Variants in OCA2 observed in about 807,000 individuals in gnomAD.
The protein encoded by OCA2 is OCA2 melanosomal transmembrane protein.
Under a neutral mutation model 100.2 loss-of-function variants are expected in OCA2, and 77 were observed. That is an observed-to-expected ratio of 0.77 (90% CI 0.64 to 0.93). OCA2 has a LOEUF of 0.93. OCA2 is among the 40% of genes least tolerant of loss of function. The pLI, the probability that OCA2 is intolerant of heterozygous loss-of-function variation, is 0.00. For missense variants in OCA2, 1,062 were observed against 1,089.1 expected (o/e 0.98, Z 0.35); for synonymous variants, 432 against 439.2 (o/e 0.98, Z 0.21).
intron 1 of OCA2, among the ~76,000 whole-genome samples, chr15:28,097,816 C>G (rs942710713): frequency 6.6e-6 from 1 of 152,210 alleles, no homozygotes; most frequent in Non-Finnish European, 1.5e-5. Context: ...TTCCCTGCCC[C>G]GGCCTGGCAA....
intron 19 of OCA2, among the ~76,000 whole-genome samples, chr15:27,919,395 C>T (rs1037207): frequency 0.054 from 8,257 of 151,908 alleles, 771 homozygotes; most frequent in African/African-American, 0.19. Flanking sequence ...GGTGGGTGGA[C>T]AAATAAAGTG....
intron 2 of OCA2, among the ~76,000 whole-genome samples, chr15:28,071,914 G>C (rs2044271467): frequency 6.6e-6 from 1 of 152,080 alleles, no homozygotes; most frequent in Non-Finnish European, 1.5e-5. Flanking sequence ...TTGACAAGTG[G>C]GACCTAATTA....
At chr15:27,877,720 C>G (rs530233368) in intron 19 of OCA2, among the ~76,000 whole-genome samples, 2 of 152,018 alleles carry the variant, frequency 1.3e-5, no homozygotes, top group Non-Finnish European at 2.9e-5. Context: ...CATTGCTCAG[C>G]CTTTCAGCTA....
chr15:28,006,038 CT>C (rs1162649894), intron 9 of OCA2, among the ~76,000 whole-genome samples: 2 of 152,172 alleles, frequency 1.3e-5, no homozygotes, highest in Non-Finnish European at 2.9e-5. Flanking sequence ...AGTGGTCTGA[CT>C]TCTCTGTGCT....
chr15:27,906,792 T>G (rs1445744209), intron 19 of OCA2, among the ~76,000 whole-genome samples: 1 of 151,600 alleles, frequency 6.6e-6, no homozygotes, highest in Non-Finnish European at 1.5e-5. Flanking sequence ...CAAAGAACAG[T>G]TTATTTGGCT....
intron 2 of OCA2, among the ~76,000 whole-genome samples, chr15:28,037,807 A>G (rs1017715424): frequency 6.6e-6 from 1 of 152,162 alleles, no homozygotes; most frequent in Non-Finnish European, 1.5e-5. Flanking sequence ...ACCTGATGCC[A>G]TCCCCCAGCC....
In OCA2 at chr15:28,069,772, C is replaced by G. The variant is rs879372614; in HGVS notation, c.227+11876G>C. On this transcript the variant is annotated intron_variant, in intron 2 of 23. Transcript: ENST00000354638. ...CACTACAACCTACACCTCCCAGCCG[C>G]CTGCCTTGGCCTCCCAAAGTGCCGA... 5.6e-3 allele frequency among the ~76,000 whole-genome samples: 789 copies of G among 140,328 alleles called. 3 individuals are homozygous for G. The highest frequency in any genetic ancestry group is 0.019 in the Middle Eastern group (5 of 266). 92.1% of individuals were successfully genotyped at this position (140,328 alleles called of 152,430 possible).
At chr15:28,064,133 C>A (rs776680849) in intron 2 of OCA2, among the ~76,000 whole-genome samples, 26 of 152,196 alleles carry the variant, frequency 1.7e-4, no homozygotes, top group Non-Finnish European at 3.1e-4. Flanking sequence ...GCCTTCTGGC[C>A]TCCATGGTTT....
At position 27,851,333 on chromosome 15, in the gene OCA2, C is replaced by A. The variant is rs377618447; in HGVS notation, c.2338+49G>T. On this transcript the variant is annotated intron_variant, in intron 22 of 23. Transcript: ENST00000354638. ...CACTAACTGTTGCTTTGGGCTGAAC[C>A]ACAGTGTGGGCGTGCACCCCCACCC... 5.5e-4 allele frequency: 805 copies of A among 1,469,450 alleles called. 4 individuals are homozygous for A. The African/African-American group carries it at 0.01, about 19-fold the overall frequency. 91.0% of individuals were successfully genotyped at this position (1,469,450 alleles called of 1,614,324 possible).
intron 21 of OCA2, among the ~76,000 whole-genome samples, chr15:27,860,460 T>A (rs557026537): frequency 2.6e-5 from 4 of 152,164 alleles, no homozygotes; most frequent in Admixed American, 1.3e-4. Context: ...CCCTCACTCC[T>A]CCCTTCTGAA....
In OCA2 at chr15:28,003,890, C is replaced by T. The variant is rs538790096; in HGVS notation, c.1044+10886G>A. Among the ~76,000 whole-genome samples, 33 of 152,352 alleles carry T rather than the reference C, an allele frequency of 2.2e-4. No homozygotes were observed. In the South Asian group the frequency reaches 5.8e-3, roughly 27 times the overall value. On this transcript the variant is annotated intron_variant, in intron 9 of 23. Coordinates refer to ENST00000354638, the MANE Select transcript of OCA2 (RefSeq NM_000275.3). ...CTGCTCCCTCCACCGCGTCATGCTC[C>T]GGCCTACGCCCCGAGCGGGGAAAGG...
intron 17 of OCA2, among the ~76,000 whole-genome samples, chr15:27,954,159 A>ACACACCCC (rs147024497): frequency 7.3e-5 from 4 of 54,996 alleles, no homozygotes; most frequent in African/African-American, 1.4e-4. Flanking sequence ...ACACACACAC[A>ACACACCCC]CCTAGGGTCA....
intron 21 of OCA2, among the ~76,000 whole-genome samples, chr15:27,870,769 GGAAA>G (rs200734139): frequency 2.8e-4 from 40 of 142,492 alleles, no homozygotes; most frequent in South Asian, 6.7e-4. Context: ...AAGACAGAAA[GGAAA>G]GAAAGAAAGA....
At chr15:27,761,023 A>C (rs999757151) in intron 23 of OCA2, among the ~76,000 whole-genome samples, 7 of 152,114 alleles carry the variant, frequency 4.6e-5, no homozygotes, top group African/African-American at 1.7e-4. Context: ...GGAGAAACTG[A>C]ATGCTTCTCC....
intron 23 of OCA2, among the ~76,000 whole-genome samples, chr15:27,834,029 TC>T (rs2035057218): frequency 6.6e-6 from 1 of 152,110 alleles, no homozygotes; most frequent in Non-Finnish European, 1.5e-5. Flanking sequence ...TGACAGGAAT[TC>T]CTTTTGTTGT....
At position 27,788,212 on chromosome 15, in the gene OCA2, T is replaced by G. The variant is rs558696753; in HGVS notation, c.2433-32740A>C. 2.0e-5 allele frequency among the ~76,000 whole-genome samples: 3 copies of G among 152,172 alleles called. No homozygotes were observed. In the South Asian group the frequency reaches 6.2e-4, roughly 32 times the overall value. ...CAATGTGTATTCTGCCTTTGTTGGG[T>G]TGACTATTCTGTAGATATTAGGTCA... On this transcript the variant is annotated intron_variant, in intron 23 of 23. Coordinates refer to ENST00000354638, the MANE Select transcript of OCA2 (RefSeq NM_000275.3).
At chr15:27,869,721 G>C (rs940729776) in intron 21 of OCA2, among the ~76,000 whole-genome samples, 1 of 152,182 alleles carries the variant, frequency 6.6e-6, no homozygotes, top group Non-Finnish European at 1.5e-5. Context: ...CCTGCGCTCG[G>C]TCCGCAACTG....
intron 23 of OCA2, among the ~76,000 whole-genome samples, chr15:27,761,423 A>G (rs1595365432): frequency 6.6e-6 from 1 of 151,792 alleles, no homozygotes; most frequent in East Asian, 1.9e-4. Context: ...CTTACAGCAC[A>G]CCAGCATCTG....
chr15:27,808,341 G>A (rs928402611), intron 23 of OCA2, among the ~76,000 whole-genome samples: 12 of 152,204 alleles, frequency 7.9e-5, no homozygotes, highest in Admixed American at 3.9e-4. Flanking sequence ...GGCAGATGTC[G>A]CAACCTCCTT....
Sources: gnomAD v4.1 joint callset for allele counts (sites outside exome capture counted in the v4.1 genomes callset) on GRCh38, gnomAD v4.1.1 for gene constraint, MANE v1.5 for transcripts, NCBI Gene and HGNC (gene_info 2026-07-23, HGNC 2026-07-21) for gene names.